RSPH3: variants seen among roughly 807,000 people sequenced by gnomAD.
RSPH3 encodes radial spoke head protein 3 homolog.
In RSPH3, 21 loss-of-function variants were observed where a neutral mutation model predicts 43.8. The ratio of observed to expected loss-of-function variants is 0.48; its 90% CI spans 0.34 to 0.69. RSPH3 has a LOEUF of 0.69. Among genes scored for constraint, RSPH3 ranks in the 30% least tolerant of loss-of-function variants. The pLI, the probability that RSPH3 is intolerant of heterozygous loss-of-function variation, is 0.01. For synonymous variants in RSPH3, 173 were observed against 179.8 expected, an observed-to-expected ratio of 0.96 and a Z score of 0.30; for missense variants, 487 against 516.0, an observed-to-expected ratio of 0.94 and a Z score of 0.54.
Position 158,984,434 on chromosome 6 carries a change from T to TTTTATATATATATATATATATA in RSPH3, c.347-628_347-627insTATATATATATATATATATAAA, listed in dbSNP as rs1300418942. On this transcript the variant is annotated intron_variant, in intron 3 of 7. Transcript: ENST00000367069. ...AGTACAACAGTGGATAAAAAGTCAATTATATATATATATATATATATATAT... is the reference window on the plus strand; with the variant it reads ...AGTACAACAGTGGATAAAAAGTCAATTTTATATATATATATATATATATATATATATATATATATATATATAT... Among the ~76,000 whole-genome samples, 321 of 63,618 alleles carry TTTTATATATATATATATATATA rather than the reference T, an allele frequency of 5.0e-3. 31 individuals are homozygous for TTTTATATATATATATATATATA. The highest frequency in any genetic ancestry group is 0.016 in the East Asian group (27 of 1,736). 41.7% of individuals were successfully genotyped at this position (63,618 alleles called of 152,430 possible).
At chr6:158,986,136 T>C in intron 3 of RSPH3, 144 bp downstream of exon 3, 1 of 809,126 alleles carries the variant, frequency 1.2e-6, no homozygotes, top group South Asian at 1.8e-5. Context: ...ATTTCTTTAA[T>C]AAAGGAACTT....
chr6:158,999,038 C>T (rs1778742059), intron 1 of RSPH3, among the ~76,000 whole-genome samples: 2 of 152,232 alleles, frequency 1.3e-5, no homozygotes, highest in African/African-American at 4.8e-5. Context: ...CCGCGGTCTC[C>T]TCATCTGCAT....
intron 6 of RSPH3, among the ~76,000 whole-genome samples, chr6:158,980,248 G>A (rs908896014): frequency 1.3e-5 from 2 of 152,148 alleles, no homozygotes; most frequent in South Asian, 4.1e-4. Context: ...CCAACATGGC[G>A]AAACCCCGTC....
At chr6:158,995,797 C>T (rs1159000375) in intron 1 of RSPH3, among the ~76,000 whole-genome samples, 5 of 152,002 alleles carry the variant, frequency 3.3e-5, no homozygotes, top group African/African-American at 1.2e-4. Flanking sequence ...GACGGGGTTT[C>T]ACCGTGTTAG....
In RSPH3 at chr6:158,978,320, G is replaced by A. The variant is rs1253119166; in HGVS notation, c.886C>T (p.Leu296=). The part of the protein sequence containing the change: ...RDIEIGFLPW[L]MNEVEKTMEY... The stretch of plus-strand genomic sequence containing the variant: ...ATGGTTTTTTCAACTTCATTCATTA[G>A]CCATGGAAGAAATCCTATCTCAATA... Residue 296 remains leucine (L), a synonymous_variant, in exon 7 of 8, where the codon CTA becomes TTA. Transcript: ENST00000367069. The A allele has an allele frequency of 1.2e-5, 19 of 1,548,260 alleles. No homozygotes were observed. Among genetic ancestry groups the A allele is most frequent in the Non-Finnish European group, 1.6e-5 (18 of 1,122,742 alleles).
At chr6:158,967,014 AT>A in the RSPH3 span, among the ~76,000 whole-genome samples, 620 of 142,132 alleles carry the variant, frequency 4.4e-3, 2 homozygotes, top group African/African-American at 7.9e-3. Flanking sequence ...GGCATATTGT[AT>A]TTTTTTTTTT....
chr6:158,992,658 C>T (rs549515361), intron 2 of RSPH3, among the ~76,000 whole-genome samples: 87 of 152,210 alleles, frequency 5.7e-4, no homozygotes, highest in African/African-American at 2.1e-3. Flanking sequence ...GTTTTAAATT[C>T]ATTTTCAGTG....
rs144678437 is a variant in RSPH3 at position 158,977,659 on chromosome 6, T to C, written c.1136A>G (p.Gln379Arg). The C allele has an allele frequency of 3.3e-3, 5,250 of 1,614,168 alleles. 171 individuals carry two copies. The Admixed American group carries it at 0.064, about 20-fold the overall frequency. ...RELLLDGGYL[Q>R]RTTYDRRSSQ... ...TGACCTTCTGTCATATGTTGTTCTT[T>C]GTAGGTAGCCTCCATCTAAAAGCAG... Residue 379 changes from glutamine (Q) to arginine (R), a missense_variant, in exon 8 of 8, where the codon CAA (glutamine) becomes CGA (arginine). By Grantham distance (43) the Gln-to-Arg change is conservative. Transcript: ENST00000367069.
the RSPH3 span, among the ~76,000 whole-genome samples, chr6:158,963,553 T>C: frequency 6.3e-5 from 9 of 142,276 alleles, no homozygotes; most frequent in Non-Finnish European, 1.4e-4. Context: ...CCCTCCCTTC[T>C]TTCTTTTCTT....
At chr6:158,991,507 C>G (rs576489962) in intron 2 of RSPH3, among the ~76,000 whole-genome samples, 1 of 152,166 alleles carries the variant, frequency 6.6e-6, no homozygotes, top group Non-Finnish European at 1.5e-5. Context: ...TAGGCTCTGT[C>G]GACACTGGTG....
Position 158,974,691 on chromosome 6 carries a change from G to C in RSPH3, c.*2847C>G, listed in dbSNP as rs1777782199. The stretch of plus-strand genomic sequence containing the variant: ...CAATTAAGCTTAACCAGTTCAGTGT[G>C]GGGTTTATAGATATCTACTTCTTTC... On this transcript the variant is annotated 3_prime_UTR_variant, in exon 8 of 8. Coordinates refer to ENST00000367069, the MANE Select transcript of RSPH3 (RefSeq NM_031924.8). 1 of 152,070 alleles carries C rather than the reference G, an allele frequency of 6.6e-6. No homozygotes were observed. Among genetic ancestry groups the C allele is most frequent in the Non-Finnish European group, 1.5e-5 (1 of 68,024 alleles). The allele number at this position is 152,070 out of a possible 1,614,324, so 9.4% of individuals were successfully genotyped here.
downstream of RSPH3, among the ~76,000 whole-genome samples, chr6:158,971,862 C>T (rs1041757052): frequency 6.6e-6 from 1 of 152,118 alleles, no homozygotes; most frequent in African/African-American, 2.4e-5. Flanking sequence ...TAGTTGTCTA[C>T]CTAATTCTGG....
chr6:158,973,230 C>A lies in RSPH3; in HGVS notation c.*4308G>T, dbSNP rs1777728181. 1 of 152,126 alleles carries A rather than the reference C, an allele frequency of 6.6e-6. No individual in the cohort carries two copies. The highest frequency in any genetic ancestry group is 2.1e-4 in the South Asian group (1 of 4,828). 9.4% of individuals were successfully genotyped at this position (152,126 alleles called of 1,614,324 possible). A position where few individuals can be genotyped will look rare whatever the true frequency, so the allele number is the denominator to read the frequency against. Reference sequence around the variant, plus strand: ...ATACATAAAAATACATTCTGTGATTCACCTATAAACAAAAGAGTAAAGCAG... The same window carrying A: ...ATACATAAAAATACATTCTGTGATTAACCTATAAACAAAAGAGTAAAGCAG... On this transcript the variant is annotated 3_prime_UTR_variant, in exon 8 of 8. Coordinates refer to ENST00000367069, the MANE Select transcript of RSPH3 (RefSeq NM_031924.8).
chr6:158,986,135 A>G (rs950354734), intron 3 of RSPH3, 145 bp downstream of exon 3: 3 of 808,216 alleles, frequency 3.7e-6, no homozygotes, highest in Non-Finnish European at 5.9e-6. Context: ...TATTTCTTTA[A>G]TAAAGGAACT....
intron 2 of RSPH3, among the ~76,000 whole-genome samples, chr6:158,991,925 A>T (rs1778420591): frequency 6.6e-6 from 1 of 152,118 alleles, no homozygotes; most frequent in South Asian, 2.1e-4. Context: ...ATGTACTTTG[A>T]ATACTCATAC....
At position 158,984,437 on chromosome 6, in the gene RSPH3, TATATA is replaced by T. The variant is rs1778149285; in HGVS notation, c.347-635_347-631del. Among the ~76,000 whole-genome samples the T allele has an allele frequency of 4.4e-3, 216 of 49,480 alleles. 14 individuals are homozygous for T. The highest frequency in any genetic ancestry group is 0.012 in the South Asian group (12 of 1,014). 32.5% of individuals were successfully genotyped at this position (49,480 alleles called of 152,430 possible). A position where few individuals can be genotyped will look rare whatever the true frequency, so the allele number is the denominator to read the frequency against. On this transcript the variant is annotated intron_variant, in intron 3 of 7. Coordinates refer to ENST00000367069, the MANE Select transcript of RSPH3 (RefSeq NM_031924.8). ...ACAACAGTGGATAAAAAGTCAATTA[TATATA>T]TATATATATATATATATATATATAT...
At chr6:158,971,112 G>A (rs779201990), downstream of RSPH3, among the ~76,000 whole-genome samples, 63 of 152,208 alleles carry the variant, frequency 4.1e-4, no homozygotes, top group Non-Finnish European at 6.8e-4. Flanking sequence ...CTGGAGATGC[G>A]GTTTTATTGT....
At chr6:158,978,226 C>T (rs1441192132) in intron 7 of RSPH3, 34 bp downstream of exon 7, 2 of 1,050,674 alleles carry the variant, frequency 1.9e-6, no homozygotes. Context: ...CTACTAAAAA[C>T]TTTAGAGATG....
chr6:158,978,391 T>C (rs1777921768), intron 6 of RSPH3, 45 bp from the exon 7 acceptor site: 1 of 959,098 alleles, frequency 1.0e-6, no homozygotes, highest in Admixed American at 1.9e-5. Context: ...ATCAGAGGAA[T>C]AATGCGCTTT....
Sources: gnomAD v4.1 joint callset for allele counts (sites outside exome capture counted in the v4.1 genomes callset) on GRCh38, gnomAD v4.1.1 for gene constraint, MANE v1.5 for transcripts, NCBI Gene and HGNC (gene_info 2026-07-23, HGNC 2026-07-21) for gene names.